The following DHX9 variants were observed in gnomAD, a reference collection of about 807,000 sequenced individuals.
DHX9 encodes DExH-box helicase 9.
A neutral mutation model predicts 148.7 loss-of-function variants in DHX9; 27 were observed. The observed-to-expected ratio is 0.18, with a 90% CI of 0.13 to 0.25. DHX9 has a LOEUF of 0.25. Among genes scored for constraint, DHX9 ranks in the 10% least tolerant of loss-of-function variants. The pLI, the probability that DHX9 is intolerant of heterozygous loss-of-function variation, is 1.00. For missense variants in DHX9, 796 were observed against 1,559.6 expected (o/e 0.51, Z 8.25); for synonymous variants, 529 against 516.6 (o/e 1.02, Z -0.33).
intron 1 of DHX9, among the ~76,000 whole-genome samples, chr1:182,840,125 A>G (rs1667892609): frequency 6.6e-6 from 1 of 152,108 alleles, no homozygotes; most frequent in Non-Finnish European, 1.5e-5. Flanking sequence ...TAGGGTGGCA[A>G]GAGTGGAAAC....
At chr1:182,863,480 T>C (rs924987265) in intron 12 of DHX9, among the ~76,000 whole-genome samples, 15 of 152,252 alleles carry the variant, frequency 9.9e-5, no homozygotes, top group Admixed American at 9.2e-4. Flanking sequence ...TTGAGTAATA[T>C]AGAATATGTA....
chr1:182,847,441 G>A (rs1668052983), intron 3 of DHX9, among the ~76,000 whole-genome samples: 1 of 152,086 alleles, frequency 6.6e-6, no homozygotes, highest in Admixed American at 6.5e-5. Context: ...CTGTCTTTTG[G>A]ATGTTAACTC....
At chr1:182,878,782 T>G (rs186283441) in intron 20 of DHX9, among the ~76,000 whole-genome samples, 619 of 152,356 alleles carry the variant, frequency 4.1e-3, no homozygotes, top group Non-Finnish European at 6.2e-3. Flanking sequence ...TTAAGTGTCA[T>G]GTCAGAAGTC....
intron 12 of DHX9, among the ~76,000 whole-genome samples, chr1:182,865,597 T>C (rs1648259735): frequency 6.6e-6 from 1 of 152,216 alleles, no homozygotes; most frequent in Non-Finnish European, 1.5e-5. Context: ...CAAAGTAGCT[T>C]TCAATCTTTT....
chr1:182,863,954 T>G (rs1427189270), intron 12 of DHX9, among the ~76,000 whole-genome samples: 1 of 152,162 alleles, frequency 6.6e-6, no homozygotes, highest in African/African-American at 2.4e-5. Context: ...AGGTGGATTA[T>G]TTGAGTGCAG....
intron 24 of DHX9, among the ~76,000 whole-genome samples, chr1:182,882,717 T>C (rs969054042): frequency 6.6e-6 from 1 of 151,968 alleles, no homozygotes; most frequent in Non-Finnish European, 1.5e-5. Context: ...TACAAAAAAT[T>C]AGCCGGGCGT....
At chr1:182,880,196 T>C (rs1381008377) in intron 21 of DHX9, among the ~76,000 whole-genome samples, 2 of 152,240 alleles carry the variant, frequency 1.3e-5, no homozygotes, top group African/African-American at 4.8e-5. Flanking sequence ...TCAGACTTCT[T>C]ATGGCATGTA....
At chr1:182,857,346 A>G (rs1668272014) in intron 7 of DHX9, among the ~76,000 whole-genome samples, 2 of 152,186 alleles carry the variant, frequency 1.3e-5, no homozygotes, top group African/African-American at 4.8e-5. Context: ...ATACAGGAGG[A>G]GAGGAAACTT....
intron 3 of DHX9, among the ~76,000 whole-genome samples, chr1:182,847,935 C>T (rs1036301191): frequency 6.6e-6 from 1 of 152,132 alleles, no homozygotes; most frequent in Non-Finnish European, 1.5e-5. Context: ...ACTTACTTGG[C>T]TACAACCAGA....
chr1:182,877,035 T>G, intron 19 of DHX9, 132 bp downstream of exon 19: 1 of 583,810 alleles, frequency 1.7e-6, no homozygotes, highest in South Asian at 2.3e-5. Context: ...TGTGCATCTA[T>G]ATAGCATTAT....
At chr1:182,847,354 A>G (rs1196913881) in intron 3 of DHX9, among the ~76,000 whole-genome samples, 1 of 152,198 alleles carries the variant, frequency 6.6e-6, no homozygotes, top group Non-Finnish European at 1.5e-5. Context: ...TCCAAAGAGC[A>G]TTGATTTGGT....
intron 14 of DHX9, among the ~76,000 whole-genome samples, chr1:182,871,746 A>G (rs1648561779): frequency 6.6e-6 from 1 of 152,220 alleles, no homozygotes; most frequent in African/African-American, 2.4e-5. Flanking sequence ...GTTGTATATA[A>G]AAAAGGAAAT....
chr1:182,854,080 G>C lies in DHX9; in HGVS notation c.528G>C (p.Trp176Cys), dbSNP rs1403962431. The change falls in exon 6 of 28, where the codon TGG becomes TGC. Residue 176 changes from tryptophan to cysteine, a missense_variant. Coordinates refer to ENST00000367549, the MANE Select transcript of DHX9 (RefSeq NM_001357.5). ...VDLNAGLHGN[W>C]TLENAKARLN... The stretch of plus-strand genomic sequence containing the variant: ...TAAATGCTGGGCTTCATGGAAACTG[G>C]ACCTTGGAAAATGCTAAAGCTCGTC... 6.2e-7 allele frequency: 1 copy of C among 1,613,222 alleles called. No homozygotes were observed. The highest frequency in any genetic ancestry group is 8.5e-7 in the Non-Finnish European group (1 of 1,179,894).
At chr1:182,866,422 C>CT in intron 12 of DHX9, 22 bp from the exon 13 acceptor site, 1 of 1,610,308 alleles carries the variant, frequency 6.2e-7, no homozygotes, top group Non-Finnish European at 8.5e-7. Flanking sequence ...TGTTAAGTCA[C>CT]TTTTCTTTTT....
chr1:182,846,615 C>G (rs191465432), intron 3 of DHX9, among the ~76,000 whole-genome samples: 3 of 152,238 alleles, frequency 2.0e-5, no homozygotes, highest in East Asian at 1.9e-4. Context: ...TCAAATCACT[C>G]TCTCCCATAT....
intron 16 of DHX9, among the ~76,000 whole-genome samples, chr1:182,875,682 A>G (rs1329431513): frequency 2.6e-5 from 4 of 152,326 alleles, no homozygotes; most frequent in Admixed American, 1.3e-4. Context: ...AAAAAGACCA[A>G]TTGCAACAAC....
chr1:182,847,061 T>C (rs554430022), intron 3 of DHX9, among the ~76,000 whole-genome samples: 2 of 152,342 alleles, frequency 1.3e-5, no homozygotes, highest in Middle Eastern at 3.4e-3. Flanking sequence ...CTTATTCTTT[T>C]CTGTATGTTT....
At position 182,853,482 on chromosome 1, in the gene DHX9, C is replaced by T; in HGVS notation, c.477+64C>T. The T allele has an allele frequency of 4.0e-6, 5 of 1,248,514 alleles. No individual in the cohort carries two copies. In the East Asian group the frequency reaches 7.1e-5, roughly 18 times the overall value. The allele number at this position is 1,248,514 out of a possible 1,614,324, so 77.3% of individuals were successfully genotyped here. On this transcript the variant is annotated intron_variant, in intron 5 of 27. Coordinates refer to ENST00000367549, the MANE Select transcript of DHX9 (RefSeq NM_001357.5). ...ATTTGGGACTTAGTTAACAGCAAAG[C>T]TTAGGATTAGGATATTCACAAGTTA...
chr1:182,859,420 T>G (rs1230719513), intron 11 of DHX9, among the ~76,000 whole-genome samples: 1 of 152,208 alleles, frequency 6.6e-6, no homozygotes, highest in Admixed American at 6.5e-5. Context: ...TTAAAAAGAA[T>G]GCGTGTGCGA....
Sources: gnomAD v4.1 joint callset for allele counts (sites outside exome capture counted in the v4.1 genomes callset) on GRCh38, gnomAD v4.1.1 for gene constraint, MANE v1.5 for transcripts, NCBI Gene and HGNC (gene_info 2026-07-23, HGNC 2026-07-21) for gene names.